The following SMYD3 variants were observed in gnomAD, a reference collection of about 807,000 sequenced individuals.
SMYD3 encodes histone-lysine N-methyltransferase SMYD3.
A neutral mutation model predicts 57.7 loss-of-function variants in SMYD3; 36 were observed. The observed-to-expected ratio is 0.62, with a 90% confidence interval of 0.48 to 0.82. The LOEUF is 0.82. Among genes scored for constraint, SMYD3 ranks in the 40% least tolerant of loss-of-function variants. The pLI, the probability that SMYD3 is intolerant of heterozygous loss-of-function variation, is 0.00. For missense variants in SMYD3, 515 were observed against 538.8 expected (o/e 0.96, Z 0.44); for synonymous variants, 211 against 195.0 (o/e 1.08, Z -0.68).
intron 1 of SMYD3, among the ~76,000 whole-genome samples, chr1:246,476,378 T>C (rs540688356): frequency 5.9e-5 from 9 of 152,344 alleles, no homozygotes; most frequent in Non-Finnish European, 7.3e-5. Flanking sequence ...CGGGCTTTAA[T>C]AGGCATGCAC....
chr1:246,378,740 A>AATATAATAT (rs1485356694), intron 1 of SMYD3, among the ~76,000 whole-genome samples: 14 of 99,392 alleles, frequency 1.4e-4, no homozygotes, highest in Middle Eastern at 5.0e-3. Flanking sequence ...TATTATATAT[A>AATATAATAT]ATTATATATA....
At chr1:246,067,499 C>T (rs1355278259) in intron 5 of SMYD3, among the ~76,000 whole-genome samples, 1 of 152,126 alleles carries the variant, frequency 6.6e-6, no homozygotes, top group African/African-American at 2.4e-5. Context: ...GGTTTTATCA[C>T]CAGGTGTGTC....
At chr1:246,193,946 T>C (rs967898745) in intron 5 of SMYD3, among the ~76,000 whole-genome samples, 2 of 152,222 alleles carry the variant, frequency 1.3e-5, no homozygotes, top group Admixed American at 6.5e-5. Flanking sequence ...TTCTAAATCA[T>C]GTTCACGCAA....
At chr1:245,969,396 TTTCTC>T (rs1269567573) in intron 5 of SMYD3, among the ~76,000 whole-genome samples, 2 of 152,194 alleles carry the variant, frequency 1.3e-5, no homozygotes, top group African/African-American at 2.4e-5. Flanking sequence ...AGCCAAGACT[TTTCTC>T]TACTGGAGGG....
intron 1 of SMYD3, among the ~76,000 whole-genome samples, chr1:246,441,510 A>G (rs979724826): frequency 3.9e-5 from 6 of 152,224 alleles, no homozygotes; most frequent in African/African-American, 1.4e-4. Flanking sequence ...TCAAATCTTC[A>G]AGAGATCAGA....
rs371717875 is a variant in SMYD3 at position 246,327,077 on chromosome 1, G to A, written c.531+124C>T. The A allele has an allele frequency of 6.4e-6, 7 of 1,093,934 alleles. No homozygotes were observed. In the South Asian group the frequency reaches 8.0e-5, roughly 12 times the overall value. The allele number at this position is 1,093,934 out of a possible 1,614,324, so 67.8% of individuals were successfully genotyped here. On this transcript the variant is annotated intron_variant, in intron 5 of 11. Coordinates refer to ENST00000490107, the MANE Select transcript of SMYD3 (RefSeq NM_001167740.2). ...ATGCTCTACTCACTATGATAAGGAA[G>A]TAATATAAGGCATTAAGGGTCTTGA...
intron 11 of SMYD3, 76 bp downstream of exon 11, chr1:245,763,965 C>T: frequency 9.0e-7 from 1 of 1,112,848 alleles, no homozygotes; most frequent in Non-Finnish European, 1.4e-6. Context: ...GAGCTGCTAA[C>T]AAATCACAAA....
intron 5 of SMYD3, among the ~76,000 whole-genome samples, chr1:245,990,644 T>C (rs2058795094): frequency 6.6e-6 from 1 of 152,174 alleles, no homozygotes; most frequent in South Asian, 2.1e-4. Flanking sequence ...CATCTTGGTC[T>C]GAAGGAAGGG....
chr1:245,907,938 C>T (rs187294958), intron 8 of SMYD3, among the ~76,000 whole-genome samples: 33 of 152,142 alleles, frequency 2.2e-4, no homozygotes, highest in South Asian at 1.9e-3. Flanking sequence ...GAGATCGAGA[C>T]CATCCTGGCC....
intron 1 of SMYD3, among the ~76,000 whole-genome samples, chr1:246,435,077 A>G (rs1201662403): frequency 6.6e-6 from 1 of 152,180 alleles, no homozygotes; most frequent in Non-Finnish European, 1.5e-5. Context: ...AAACCAAATA[A>G]CATGTAGTTC....
chr1:246,127,339 TC>T (rs1429136052), intron 5 of SMYD3, among the ~76,000 whole-genome samples: 1 of 152,078 alleles, frequency 6.6e-6, no homozygotes, highest in East Asian at 1.9e-4. Flanking sequence ...AACTTTTTTG[TC>T]AATAACTTCA....
chr1:245,832,802 T>G (rs1446004702), intron 10 of SMYD3, among the ~76,000 whole-genome samples: 2 of 152,176 alleles, frequency 1.3e-5, no homozygotes, highest in Non-Finnish European at 2.9e-5. Context: ...TATTCAAGTT[T>G]CATGTGCCTT....
chr1:245,970,097 C>T (rs569028496), intron 5 of SMYD3, among the ~76,000 whole-genome samples: 2 of 152,200 alleles, frequency 1.3e-5, no homozygotes. Flanking sequence ...CAGCATGGTA[C>T]TGGTACCAAA....
chr1:246,335,594 T>C lies in SMYD3; in HGVS notation c.229-120A>G, dbSNP rs2065530382. 8 of 735,650 alleles carry C rather than the reference T, an allele frequency of 1.1e-5. No individual in the cohort carries two copies. The Admixed American group carries it at 1.8e-4, about 17-fold the overall frequency. 45.6% of individuals were successfully genotyped at this position (735,650 alleles called of 1,614,324 possible). On this transcript the variant is annotated intron_variant, in intron 2 of 11. Coordinates refer to ENST00000490107, the MANE Select transcript of SMYD3 (RefSeq NM_001167740.2). ...TAATAGTCCAAATGTAACTGCACAATAGAAAATAAAAGCAATATTCTAAAT... is the reference window on the plus strand; with the variant it reads ...TAATAGTCCAAATGTAACTGCACAACAGAAAATAAAAGCAATATTCTAAAT...
At chr1:246,215,064 G>A (rs1294751197) in intron 5 of SMYD3, among the ~76,000 whole-genome samples, 1 of 151,888 alleles carries the variant, frequency 6.6e-6, no homozygotes, top group Non-Finnish European at 1.5e-5. Flanking sequence ...TGATTCATCG[G>A]TCATCACCAC....
At chr1:246,367,764 G>C (rs974666095) in intron 1 of SMYD3, among the ~76,000 whole-genome samples, 3 of 152,110 alleles carry the variant, frequency 2.0e-5, no homozygotes, top group Admixed American at 6.5e-5. Context: ...AGTGAGGAAT[G>C]TATCAGTCAG....
At chr1:246,280,720 T>G (rs1409414877) in intron 5 of SMYD3, among the ~76,000 whole-genome samples, 1 of 152,210 alleles carries the variant, frequency 6.6e-6, no homozygotes, top group African/African-American at 2.4e-5. Context: ...TTACAGAGAA[T>G]TAAAAAAACA....
intron 5 of SMYD3, among the ~76,000 whole-genome samples, chr1:246,083,148 C>T (rs1003776302): frequency 1.3e-5 from 2 of 151,848 alleles, no homozygotes; most frequent in African/African-American, 4.8e-5. Flanking sequence ...GAAGGAATGC[C>T]TCTTTGCAGT....
chr1:246,074,460 C>T (rs2060511366), intron 5 of SMYD3, among the ~76,000 whole-genome samples: 1 of 150,888 alleles, frequency 6.6e-6, no homozygotes, highest in Admixed American at 6.6e-5. Context: ...ATATAACATA[C>T]CAAATATAAC....
Sources: allele counts gnomAD v4.1 joint callset (sites outside exome capture counted in the v4.1 genomes callset), GRCh38; gene constraint gnomAD v4.1.1; transcripts MANE v1.5; gene names NCBI Gene and HGNC (gene_info 2026-07-23, HGNC 2026-07-21).